Variants in ARHGAP32 observed in about 807,000 individuals in gnomAD.
The protein encoded by ARHGAP32 is rho GTPase-activating protein 32.
Under a neutral mutation model 186.5 loss-of-function variants are expected in ARHGAP32, and 51 were observed. That is an observed-to-expected ratio of 0.27 (90% CI 0.22 to 0.35). The LOEUF (loss-of-function observed/expected upper bound fraction) is 0.35. ARHGAP32 is among the 10% of genes least tolerant of loss of function. ARHGAP32 has a pLI of 1.00. For missense variants in ARHGAP32, 2,186 were observed against 2,623.5 expected, an observed-to-expected ratio of 0.83 and a Z score of 3.64; for synonymous variants, 950 against 964.3, an observed-to-expected ratio of 0.99 and a Z score of 0.27.
At chr11:129,198,429 T>C (rs903452177) in intron 1 of ARHGAP32, among the ~76,000 whole-genome samples, 1 of 152,276 alleles carries the variant, frequency 6.6e-6, no homozygotes. Flanking sequence ...TTCCCATGTG[T>C]GGTGGGAAGG....
At chr11:129,021,883 C>T (rs1011741550) in intron 11 of ARHGAP32, among the ~76,000 whole-genome samples, 8 of 151,912 alleles carry the variant, frequency 5.3e-5, no homozygotes, top group Non-Finnish European at 1.2e-4. Context: ...GGAAGATTTG[C>T]ATTTTACCAG....
chr11:129,085,513 T>C (rs545227210), intron 6 of ARHGAP32, among the ~76,000 whole-genome samples: 1 of 152,158 alleles, frequency 6.6e-6, no homozygotes, highest in Admixed American at 6.5e-5. Context: ...GAAGGCAATA[T>C]TGTCAAGATG....
chr11:129,074,525 G>A (rs1180610570), intron 6 of ARHGAP32, among the ~76,000 whole-genome samples: 2 of 151,908 alleles, frequency 1.3e-5, no homozygotes, highest in Non-Finnish European at 2.9e-5. Flanking sequence ...ATGGAGTCTC[G>A]CTCTGTTACC....
chr11:129,206,717 G>C (rs1346747857), intron 1 of ARHGAP32, among the ~76,000 whole-genome samples: 1 of 151,532 alleles, frequency 6.6e-6, no homozygotes, highest in Non-Finnish European at 1.5e-5. Context: ...TTGTTCTATG[G>C]GTTCCTCTAG....
intron 18 of ARHGAP32, 113 bp from the exon 19 acceptor site, chr11:128,979,028 G>T: frequency 1.1e-6 from 1 of 923,778 alleles, no homozygotes; most frequent in Non-Finnish European, 1.6e-6. Context: ...AAGCATAAGT[G>T]AAACAGTAAG....
intron 18 of ARHGAP32, among the ~76,000 whole-genome samples, chr11:128,979,930 T>C (rs779321317): frequency 1.7e-4 from 26 of 152,210 alleles, no homozygotes; most frequent in Middle Eastern, 3.2e-3. Flanking sequence ...GGAAGGGACA[T>C]TGAAAGAGTG....
intron 1 of ARHGAP32, among the ~76,000 whole-genome samples, chr11:129,203,934 T>A (rs1944486759): frequency 6.8e-6 from 1 of 147,780 alleles, no homozygotes; most frequent in Non-Finnish European, 1.5e-5. Context: ...CATACATAAT[T>A]ATATATAATT....
chr11:129,179,327 A>C lies in ARHGAP32; in HGVS notation c.116+12756T>G, dbSNP rs568290127. On this transcript the variant is annotated intron_variant, in intron 1 of 22. Coordinates refer to ENST00000682385, the MANE Select transcript of ARHGAP32 (RefSeq NM_001378024.1). ...TGGAGAGGATGTGGACAAATAGGAA[A>C]ACTTTTACACTGTTGCTGGGACTGT... Among the ~76,000 whole-genome samples, 497 of 144,586 alleles carry C rather than the reference A, an allele frequency of 3.4e-3. 1 individual carries two copies. The highest frequency in any genetic ancestry group is 7.0e-3 in the African/African-American group (275 of 39,232). The allele number at this position is 144,586 out of a possible 152,430, so 94.9% of individuals were successfully genotyped here.
Position 129,123,313 on chromosome 11 carries a change from CCAAT to C in ARHGAP32, c.444+129_444+132del, listed in dbSNP as rs1942578188. The C allele has an allele frequency of 1.5e-6, 1 of 684,248 alleles. No homozygotes were observed. The highest frequency in any genetic ancestry group is 1.9e-5 in the African/African-American group (1 of 53,632). The allele number at this position is 684,248 out of a possible 1,614,324, so 42.4% of individuals were successfully genotyped here. ...GAAGAGAAGAAAGATTTTACCTCAA[CCAAT>C]AAGACATCAATTAAAAAAAAAACTA... On this transcript the variant is annotated intron_variant, in intron 5 of 22. Transcript: ENST00000682385. The surrounding 1 kb of genome is among the most constrained non-coding windows in gnomAD (Gnocchi z 4.6).
intron 6 of ARHGAP32, among the ~76,000 whole-genome samples, chr11:129,069,135 C>G (rs1261718774): frequency 6.6e-6 from 1 of 152,024 alleles, no homozygotes; most frequent in Admixed American, 6.6e-5. Context: ...TACAGCACAG[C>G]AAGCACAAGT....
intron 11 of ARHGAP32, among the ~76,000 whole-genome samples, chr11:129,009,857 T>C (rs1271927016): frequency 2.0e-5 from 3 of 152,200 alleles, no homozygotes; most frequent in South Asian, 2.1e-4. Flanking sequence ...CTGGGTCAAA[T>C]AGTATTTCTG....
At chr11:129,233,023 A>G (rs1386044096) in intron 1 of ARHGAP32, among the ~76,000 whole-genome samples, 1 of 152,202 alleles carries the variant, frequency 6.6e-6, no homozygotes, top group African/African-American at 2.4e-5. Context: ...TTCACACTGT[A>G]CACTTAAGAC....
intron 11 of ARHGAP32, 78 bp from the exon 12 acceptor site, chr11:128,998,546 C>A (rs1160771755): frequency 8.9e-7 from 1 of 1,129,140 alleles, no homozygotes; most frequent in Non-Finnish European, 1.2e-6. Flanking sequence ...AAACATATCT[C>A]AAGAGGCTGA....
intron 2 of ARHGAP32, among the ~76,000 whole-genome samples, chr11:129,138,253 T>C (rs899881960): frequency 2.0e-5 from 3 of 148,996 alleles, no homozygotes; most frequent in African/African-American, 7.5e-5. Flanking sequence ...AGATCTATAG[T>C]TTACCACAAG....
chr11:128,986,570 T>C lies in ARHGAP32; in HGVS notation c.1397A>G (p.Glu466Gly). 1.2e-6 allele frequency: 2 copies of C among 1,614,126 alleles called. No individual in the cohort carries two copies. The highest frequency in any genetic ancestry group is 1.7e-6 in the Non-Finnish European group (2 of 1,179,998). The change falls in exon 14 of 23, where the codon GAA becomes GGA. Residue 466 changes from glutamate (E) to glycine (G), a missense_variant. By Grantham distance (98) the Glu-to-Gly change is moderately conservative. Around this residue, in one of 5 missense-constraint regions of ARHGAP32, gnomAD observed 308 missense variants for 596.5 expected, o/e 0.52. Coordinates refer to ENST00000682385, the MANE Select transcript of ARHGAP32 (RefSeq NM_001378024.1). ...VGSLCKLYFR[E>G]LPNPLLTYQL... is the part of the protein sequence containing the mutation. ...GTAGGTAAGCAGAGGGTTTGGGAGT[T>C]CCCGGAAGTACAGCTTACATAGGGA... is the stretch of plus-strand genomic sequence containing the variant.
intron 2 of ARHGAP32, among the ~76,000 whole-genome samples, chr11:129,152,300 A>G (rs1425509949): frequency 6.6e-6 from 1 of 152,218 alleles, no homozygotes; most frequent in Non-Finnish European, 1.5e-5. Flanking sequence ...GAATTCTATA[A>G]GACACTGAAA....
chr11:129,010,804 T>C (rs1938043067), intron 11 of ARHGAP32, among the ~76,000 whole-genome samples: 1 of 152,226 alleles, frequency 6.6e-6, no homozygotes, highest in African/African-American at 2.4e-5. Context: ...TGATTTCTGT[T>C]TCAGATTTTG....
Position 129,248,920 on chromosome 11 carries a change from G to A in ARHGAP32, c.-5+30226C>T, listed in dbSNP as rs191087661. Among the ~76,000 whole-genome samples, 185 of 152,266 alleles carry A rather than the reference G, an allele frequency of 1.2e-3. 2 individuals carry two copies. The highest frequency in any genetic ancestry group is 3.4e-3 in the Middle Eastern group (1 of 294). On this transcript the variant is annotated intron_variant, in intron 1 of 6. Transcript: ENST00000525234. The stretch of plus-strand genomic sequence containing the variant: ...AACATAGTATATAGTGAATAAAGCA[G>A]GCATGGTCTCTGTCCTCATGGAGCT...
At chr11:129,102,673 A>G (rs1042177367) in intron 5 of ARHGAP32, among the ~76,000 whole-genome samples, 6 of 152,320 alleles carry the variant, frequency 3.9e-5, no homozygotes, top group Admixed American at 6.5e-5. Flanking sequence ...ACCACTTCAC[A>G]TACATAAGGA....
Sources: gnomAD v4.1 joint callset for allele counts (sites outside exome capture counted in the v4.1 genomes callset) on GRCh38, gnomAD v4.1.1 for gene constraint, gnomAD v4.1.1 regional missense constraint, Gnocchi (gnomAD v3.1) non-coding constraint, MANE v1.5 for transcripts, NCBI Gene and HGNC (gene_info 2026-07-23, HGNC 2026-07-21) for gene names.